RASGEF1C: variants seen among roughly 807,000 people sequenced by gnomAD.
The protein encoded by RASGEF1C is RasGEF domain family member 1C, also known as ras-GEF domain-containing family member 1C.
RASGEF1C carries 27 observed loss-of-function variants against 58.1 expected under a neutral mutation model. The observed-to-expected ratio is 0.46, with a 90% confidence interval of 0.34 to 0.64. The LOEUF is 0.64. Among genes scored for constraint, RASGEF1C ranks in the 30% least tolerant of loss-of-function variants. RASGEF1C has a pLI of 0.01. For synonymous variants in RASGEF1C, 243 were observed against 246.3 expected (o/e 0.99, Z 0.13); for missense variants, 502 against 605.1 (o/e 0.83, Z 1.79).
chr5:180,108,706 T>A (rs1253663297), intron 12 of RASGEF1C, among the ~76,000 whole-genome samples: 1 of 152,236 alleles, frequency 6.6e-6, no homozygotes. Flanking sequence ...TGAGACTTTC[T>A]ATATTTTCAT....
At chr5:180,152,068 A>G (rs949979844) in intron 1 of RASGEF1C, among the ~76,000 whole-genome samples, 9 of 150,394 alleles carry the variant, frequency 6.0e-5, no homozygotes, top group African/African-American at 1.7e-4. Context: ...GTCAGGAAAC[A>G]ACAGGTGCTG....
At chr5:180,128,898 G>A (rs1032956794) in intron 4 of RASGEF1C, among the ~76,000 whole-genome samples, 1 of 152,196 alleles carries the variant, frequency 6.6e-6, no homozygotes, top group African/African-American at 2.4e-5. Flanking sequence ...GACGGGGGCC[G>A]GGGGCAGCTG....
chr5:180,113,775 AG>A, intron 11 of RASGEF1C, among the ~76,000 whole-genome samples: 3 of 151,710 alleles, frequency 2.0e-5, no homozygotes, highest in South Asian at 2.1e-4. Context: ...GGATGGACGG[AG>A]GGATTGGGGA....
intron 3 of RASGEF1C, 75 bp from the exon 4 acceptor site, chr5:180,136,590 G>A (rs969202462): frequency 1.9e-5 from 28 of 1,470,190 alleles, no homozygotes; most frequent in African/African-American, 4.2e-5. Context: ...GCGTCCTTGC[G>A]GGTCTGGCCG....
intron 11 of RASGEF1C, among the ~76,000 whole-genome samples, chr5:180,112,931 TGGACGGAGGGACCGG>T (rs1765984312): frequency 2.4e-5 from 3 of 122,516 alleles, no homozygotes; most frequent in African/African-American, 3.2e-5. Context: ...GGATCCGGGA[TGGACGGAGGGACCGG>T]GGATGGACGG....
intron 6 of RASGEF1C, among the ~76,000 whole-genome samples, chr5:180,123,556 GTAAA>G: frequency 6.6e-6 from 1 of 152,218 alleles, no homozygotes; most frequent in East Asian, 1.9e-4. Flanking sequence ...CTTGGAGGCT[GTAAA>G]TAAAAATTTA....
intron 1 of RASGEF1C, among the ~76,000 whole-genome samples, chr5:180,178,413 G>A (rs1172301869): frequency 6.6e-6 from 1 of 150,836 alleles, no homozygotes; most frequent in Non-Finnish European, 1.5e-5. Flanking sequence ...CCAAGTAACT[G>A]GGACTACAGG....
At chr5:180,202,191 C>T (rs1471565877) in intron 1 of RASGEF1C, among the ~76,000 whole-genome samples, 1 of 151,862 alleles carries the variant, frequency 6.6e-6, no homozygotes, top group African/African-American at 2.4e-5. Context: ...TAATAGTGTT[C>T]ATTAAGGAAA....
chr5:180,130,545 C>T (rs1365534925), intron 4 of RASGEF1C, among the ~76,000 whole-genome samples: 3 of 152,226 alleles, frequency 2.0e-5, no homozygotes, highest in Non-Finnish European at 4.4e-5. Flanking sequence ...CCCACTCACT[C>T]CTGAATCACT....
intron 11 of RASGEF1C, among the ~76,000 whole-genome samples, chr5:180,112,944 CGGGG>C (rs1765984908): frequency 8.2e-6 from 1 of 121,738 alleles, no homozygotes; most frequent in African/African-American, 3.2e-5. Flanking sequence ...ACGGAGGGAC[CGGGG>C]ATGGACGGAG....
chr5:180,138,946 C>T (rs1380173223), intron 1 of RASGEF1C, among the ~76,000 whole-genome samples: 1 of 152,204 alleles, frequency 6.6e-6, no homozygotes, highest in Non-Finnish European at 1.5e-5. Flanking sequence ...CAAGGCTGCA[C>T]CTGACCTCTG....
intron 1 of RASGEF1C, among the ~76,000 whole-genome samples, chr5:180,176,619 C>T (rs1340043553): frequency 6.6e-6 from 1 of 150,808 alleles, no homozygotes; most frequent in East Asian, 2.0e-4. Flanking sequence ...TGCAGTGGCG[C>T]AATCTCGGCT....
chr5:180,130,312 G>A (rs892312951), intron 4 of RASGEF1C, among the ~76,000 whole-genome samples: 4 of 152,166 alleles, frequency 2.6e-5, no homozygotes, highest in African/African-American at 9.7e-5. Context: ...TGGAAGGAAC[G>A]ACCCCTCTCA....
intron 1 of RASGEF1C, among the ~76,000 whole-genome samples, chr5:180,188,881 G>T (rs1446709403): frequency 1.3e-5 from 2 of 152,014 alleles, no homozygotes; most frequent in African/African-American, 4.8e-5. Context: ...TTATGTCCAC[G>T]AATACCCAGC....
rs1416758001 is a variant in RASGEF1C, at chr5:180,163,246, TTTTTTTCC to T, written c.-6-25196_-6-25189del. On this transcript the variant is annotated intron_variant, in intron 1 of 13. Transcript: ENST00000361132. Reference sequence around the variant, plus strand: ...CACCCCCTCACTTTTTTTTTTTTTTTTTTTTTCCAGCCTATTGCACTGGCTAGGACTTC... The same window carrying T: ...CACCCCCTCACTTTTTTTTTTTTTTTAGCCTATTGCACTGGCTAGGACTTC... 2.4e-3 allele frequency among the ~76,000 whole-genome samples: 189 copies of T among 79,558 alleles called. 20 individuals are homozygous for T. Among genetic ancestry groups the T allele is most frequent in the East Asian group, 3.7e-3 (8 of 2,140 alleles). 52.2% of individuals were successfully genotyped at this position (79,558 alleles called of 152,430 possible). A position where few individuals can be genotyped will look rare whatever the true frequency, so the allele number is the denominator to read the frequency against.
At chr5:180,204,267 C>T (rs938466153) in intron 1 of RASGEF1C, among the ~76,000 whole-genome samples, 5 of 152,180 alleles carry the variant, frequency 3.3e-5, no homozygotes, top group South Asian at 4.1e-4. Flanking sequence ...TTTGTGTGGA[C>T]ATTTCATTGT....
rs1756330960 is a variant in RASGEF1C at position 180,198,957 on chromosome 5, A to G, written c.-7+10071T>C. ...AAGTAGGAGAAAGCCCCCAGGAAGGACTCCCAGAGGGTAGAAGGGAAACTG... is the reference window on the plus strand; with the variant it reads ...AAGTAGGAGAAAGCCCCCAGGAAGGGCTCCCAGAGGGTAGAAGGGAAACTG... On this transcript the variant is annotated intron_variant, in intron 1 of 13. Transcript: ENST00000361132. The surrounding 1 kb of genome is among the most constrained non-coding windows in gnomAD (Gnocchi z 4.5). Among the ~76,000 whole-genome samples, 1 of 151,858 alleles carries G rather than the reference A, an allele frequency of 6.6e-6. No individual in the cohort carries two copies. Among genetic ancestry groups the G allele is most frequent in the South Asian group, 2.1e-4 (1 of 4,806 alleles).
chr5:180,203,255 A>G (rs527419167), intron 1 of RASGEF1C, among the ~76,000 whole-genome samples: 20 of 152,306 alleles, frequency 1.3e-4, no homozygotes, highest in African/African-American at 4.6e-4. Flanking sequence ...GGATTATGTT[A>G]CGTTGTTATA....
At chr5:180,153,167 C>T (rs1391805299) in intron 1 of RASGEF1C, among the ~76,000 whole-genome samples, 1 of 152,138 alleles carries the variant, frequency 6.6e-6, no homozygotes, top group East Asian at 1.9e-4. Flanking sequence ...CTTTAAATCC[C>T]ATGGAAGCCT....
Sources: allele counts gnomAD v4.1 joint callset (sites outside exome capture counted in the v4.1 genomes callset), GRCh38; gene constraint gnomAD v4.1.1; non-coding constraint Gnocchi (gnomAD v3.1); transcripts MANE v1.5; gene names NCBI Gene and HGNC (gene_info 2026-07-23, HGNC 2026-07-21).